The following MAP2K4 variants were observed in gnomAD, a reference collection of about 807,000 sequenced individuals.
The protein encoded by MAP2K4 is dual specificity mitogen-activated protein kinase kinase 4.
In MAP2K4, 4 loss-of-function variants were observed where a neutral mutation model predicts 48.5. The observed-to-expected ratio is 0.08, with a 90% CI of 0.04 to 0.19. MAP2K4 has a LOEUF of 0.19. Among genes scored for constraint, MAP2K4 ranks in the 10% least tolerant of loss-of-function variants. MAP2K4 has a pLI of 1.00. For missense variants in MAP2K4, 258 were observed against 493.3 expected (o/e 0.52, Z 4.52); for synonymous variants, 166 against 173.1 (o/e 0.96, Z 0.32).
intron 3 of MAP2K4, among the ~76,000 whole-genome samples, chr17:12,084,218 C>T (rs1438447136): frequency 6.6e-6 from 1 of 152,096 alleles, no homozygotes; most frequent in African/African-American, 2.4e-5. Context: ...ATCTAAAAAT[C>T]AGTTTTGATA....
chr17:12,068,690 A>C (rs770892215), intron 2 of MAP2K4, among the ~76,000 whole-genome samples: 2 of 151,942 alleles, frequency 1.3e-5, no homozygotes, highest in Non-Finnish European at 2.9e-5. Context: ...AGTTTTAGAT[A>C]ATATTTAAGT....
chr17:12,066,967 G>A lies in MAP2K4; in HGVS notation c.218+11976G>A, dbSNP rs142505133. Among the ~76,000 whole-genome samples, 321 of 152,184 alleles carry A rather than the reference G, an allele frequency of 2.1e-3. 2 individuals carry two copies. The highest frequency in any genetic ancestry group is 0.019 in the East Asian group (98 of 5,156). ...GCTGGGATTACAGGCGTGAGCCACC[G>A]CGCCCGGCCCACATGGCTAATTTTT... On this transcript the variant is annotated intron_variant, in intron 2 of 10. Transcript: ENST00000353533.
At chr17:12,025,307 T>C (rs1000792699) in intron 1 of MAP2K4, among the ~76,000 whole-genome samples, 12 of 152,172 alleles carry the variant, frequency 7.9e-5, no homozygotes, top group African/African-American at 2.9e-4. Flanking sequence ...TGTAGGGCCA[T>C]TGTAAGAATC....
At chr17:12,134,335 GA>G (rs377144799) in intron 9 of MAP2K4, among the ~76,000 whole-genome samples, 18 of 150,248 alleles carry the variant, frequency 1.2e-4, no homozygotes, top group Non-Finnish European at 1.9e-4. Flanking sequence ...AAATGTCACA[GA>G]AAAAAAAACA....
At chr17:12,027,239 G>A (rs1296186560) in intron 1 of MAP2K4, among the ~76,000 whole-genome samples, 1 of 152,144 alleles carries the variant, frequency 6.6e-6, no homozygotes, top group Non-Finnish European at 1.5e-5. Context: ...CACAGTGAAA[G>A]GGAGATGATT....
intron 9 of MAP2K4, among the ~76,000 whole-genome samples, chr17:12,131,234 CTTTT>C (rs11307653): frequency 7.6e-6 from 1 of 130,938 alleles, no homozygotes; most frequent in Admixed American, 7.9e-5. Context: ...GGTCACATTT[CTTTT>C]TTTTTTTTTT....
At chr17:12,021,734 G>GAAAAAAAAAAAA (rs896882494) in intron 1 of MAP2K4, among the ~76,000 whole-genome samples, 1 of 99,984 alleles carries the variant, frequency 1.0e-5, no homozygotes. Flanking sequence ...CGTGCAGGAA[G>GAAAAAAAAAAAA]AAAAAAAAAA....
intron 1 of MAP2K4, among the ~76,000 whole-genome samples, chr17:12,047,525 G>A (rs1053453760): frequency 4.6e-5 from 7 of 152,234 alleles, no homozygotes; most frequent in Non-Finnish European, 1.0e-4. Flanking sequence ...GGCACTGCTA[G>A]TCTATATTGA....
chr17:12,100,040 C>T (rs1971888663), intron 4 of MAP2K4, among the ~76,000 whole-genome samples: 1 of 152,052 alleles, frequency 6.6e-6, no homozygotes, highest in Non-Finnish European at 1.5e-5. Flanking sequence ...CTTCTTTCTC[C>T]TTGCAAGTTT....
At chr17:12,141,062 G>A in intron 10 of MAP2K4, 85 bp from the exon 11 acceptor site, 1 of 799,552 alleles carries the variant, frequency 1.3e-6, no homozygotes, top group Non-Finnish European at 2.2e-6. Flanking sequence ...GGAGCCTGGA[G>A]TTCTATGTTC....
At chr17:12,043,996 T>TTATA (rs1248517088) in intron 1 of MAP2K4, among the ~76,000 whole-genome samples, 1 of 152,030 alleles carries the variant, frequency 6.6e-6, no homozygotes, top group Non-Finnish European at 1.5e-5. Flanking sequence ...TATCCTGAAG[T>TTATA]TATATAGGGG....
intron 2 of MAP2K4, chr17:12,069,804 A>T: frequency 1.4e-6 from 1 of 720,244 alleles, no homozygotes; most frequent in South Asian, 1.7e-5. Context: ...TCATCTAGAG[A>T]TCGTAACAGT....
chr17:12,118,473 G>T (rs1972573365), intron 7 of MAP2K4, among the ~76,000 whole-genome samples: 1 of 152,050 alleles, frequency 6.6e-6, no homozygotes. Context: ...TTTTCTGATT[G>T]GTTTCATAAA....
intron 6 of MAP2K4, among the ~76,000 whole-genome samples, chr17:12,112,203 C>T (rs554361480): frequency 2.0e-5 from 3 of 152,246 alleles, no homozygotes; most frequent in South Asian, 4.2e-4. Context: ...GTGGCTGACA[C>T]CTGTAATCCC....
chr17:12,086,151 CA>C (rs1308155828), intron 3 of MAP2K4, among the ~76,000 whole-genome samples: 1 of 152,084 alleles, frequency 6.6e-6, no homozygotes, highest in Non-Finnish European at 1.5e-5. Flanking sequence ...TTTGATTATC[CA>C]AATCACCTAT....
intron 3 of MAP2K4, among the ~76,000 whole-genome samples, chr17:12,088,506 T>C (rs1971443229): frequency 9.1e-6 from 1 of 110,204 alleles, no homozygotes; most frequent in African/African-American, 2.9e-5. Flanking sequence ...TAATATATTA[T>C]CTATAATATG....
At chr17:12,021,058 C>T (rs1407939637) in intron 1 of MAP2K4, 57 bp downstream of exon 1, 1 of 1,071,796 alleles carries the variant, frequency 9.3e-7, no homozygotes, top group Non-Finnish European at 1.2e-6. Context: ...CCCGCGTCGT[C>T]GCGGCCTGCC....
At chr17:12,118,944 G>T (rs1597486595) in intron 7 of MAP2K4, among the ~76,000 whole-genome samples, 1 of 152,142 alleles carries the variant, frequency 6.6e-6, no homozygotes, top group Non-Finnish European at 1.5e-5. Flanking sequence ...AATGATATCT[G>T]ACCTCCTTTT....
chr17:12,059,695 A>T (rs567486773), intron 2 of MAP2K4, among the ~76,000 whole-genome samples: 1 of 152,240 alleles, frequency 6.6e-6, no homozygotes, highest in East Asian at 1.9e-4. Flanking sequence ...ATTGGAACAG[A>T]CAGAGACTCA....
Sources: gnomAD v4.1 joint callset for allele counts (sites outside exome capture counted in the v4.1 genomes callset) on GRCh38, gnomAD v4.1.1 for gene constraint, MANE v1.5 for transcripts, NCBI Gene and HGNC (gene_info 2026-07-23, HGNC 2026-07-21) for gene names.